Variants in CELSR1 observed in about 807,000 individuals in gnomAD.
The protein encoded by CELSR1 is adhesion G protein-coupled receptor C1.
Under a neutral mutation model 249.1 loss-of-function variants are expected in CELSR1, and 110 were observed. That is an observed-to-expected ratio of 0.44 (90% CI 0.38 to 0.52). CELSR1 has a LOEUF of 0.52. Ranked by LOEUF, CELSR1 falls within the 20% of genes least tolerant of loss-of-function variation. The pLI is 0.00. For missense variants in CELSR1, 4,109 were observed against 4,296.4 expected (o/e 0.96, Z 1.22); for synonymous variants, 2,113 against 1,900.0 (o/e 1.11, Z -2.92).
chr22:46,522,200 A>G (rs1363921239), intron 1 of CELSR1, among the ~76,000 whole-genome samples: 1 of 152,144 alleles, frequency 6.6e-6, no homozygotes, highest in South Asian at 2.1e-4. Context: ...ATCTCAGCTC[A>G]CTGCAACCTC....
rs552381149 is a variant in CELSR1 at position 46,408,852 on chromosome 22, C to G, written c.5226+144G>C. On this transcript the variant is annotated intron_variant, in intron 9 of 34. Coordinates refer to ENST00000674500, the MANE Select transcript of CELSR1 (RefSeq NM_001378328.1). The surrounding 1 kb of genome is among the most constrained non-coding windows in gnomAD (Gnocchi z 4.6). ...AAAGAAAGGGCTGATATTCCCCTTCCCCCTCTTCGGAGAACCCCAGGGGCG... is the reference window on the plus strand; with the variant it reads ...AAAGAAAGGGCTGATATTCCCCTTCGCCCTCTTCGGAGAACCCCAGGGGCG... The G allele has an allele frequency of 1.5e-6, 1 of 647,794 alleles. No individual in the cohort carries two copies. Among genetic ancestry groups the G allele is most frequent in the South Asian group, 2.3e-5 (1 of 43,852 alleles). The allele number at this position is 647,794 out of a possible 1,614,324, so 40.1% of individuals were successfully genotyped here. A position where few individuals can be genotyped will look rare whatever the true frequency, so the allele number is the denominator to read the frequency against.
intron 1 of CELSR1, among the ~76,000 whole-genome samples, chr22:46,483,197 C>T (rs895432228): frequency 5.3e-5 from 8 of 151,910 alleles, no homozygotes; most frequent in Non-Finnish European, 1.0e-4. Flanking sequence ...AACACACTAT[C>T]GTAAAGGGGA....
rs1252052153 is a variant in CELSR1 at position 46,410,650 on chromosome 22, C to T, written c.4770-89G>A. On this transcript the variant is annotated intron_variant, in intron 6 of 34. Coordinates refer to ENST00000674500, the MANE Select transcript of CELSR1 (RefSeq NM_001378328.1). The surrounding 1 kb of genome is among the most constrained non-coding windows in gnomAD (Gnocchi z 6.8). ...CTCCGCAGTTGCCTCTGTGTAGCCT[C>T]TACCACCATAACTACTTCAGAAACC... is the stretch of plus-strand genomic sequence containing the variant. 7.3e-7 allele frequency: 1 copy of T among 1,361,618 alleles called. No homozygotes were observed. The highest frequency in any genetic ancestry group is 1.4e-5 in the African/African-American group (1 of 69,466). The allele number at this position is 1,361,618 out of a possible 1,614,324, so 84.3% of individuals were successfully genotyped here.
intron 1 of CELSR1, among the ~76,000 whole-genome samples, chr22:46,494,345 T>C (rs1259302893): frequency 6.6e-6 from 1 of 152,146 alleles, no homozygotes; most frequent in East Asian, 1.9e-4. Flanking sequence ...TAGAATCAGA[T>C]TGTCAATTTT....
chr22:46,471,548 C>T lies in CELSR1; in HGVS notation c.3545-7203G>A, dbSNP rs1302311566. Among the ~76,000 whole-genome samples the T allele has an allele frequency of 6.6e-6, 1 of 152,092 alleles. No individual in the cohort carries two copies. Among genetic ancestry groups the T allele is most frequent in the Non-Finnish European group, 1.5e-5 (1 of 68,018 alleles). ...AGGACTACAGGAGCATGCCACCATG[C>T]CTGGCTGGGTTTTCTGTTCTTGTTT... On this transcript the variant is annotated intron_variant, in intron 1 of 34. Transcript: ENST00000674500. The surrounding 1 kb of genome is among the most constrained non-coding windows in gnomAD (Gnocchi z 4.9).
At chr22:46,455,740 T>G (rs1332101830) in intron 2 of CELSR1, among the ~76,000 whole-genome samples, 1 of 152,192 alleles carries the variant, frequency 6.6e-6, no homozygotes, top group Admixed American at 6.5e-5. Context: ...GGGCTGTGCC[T>G]GCACACGCCG....
chr22:46,421,878 C>T (rs936665731), intron 5 of CELSR1, among the ~76,000 whole-genome samples: 1 of 152,226 alleles, frequency 6.6e-6, no homozygotes, highest in South Asian at 2.1e-4. Context: ...TGACCTTTCA[C>T]GCAGCCACGG....
Position 46,369,700 on chromosome 22 carries a change from C to G in CELSR1, c.7864G>C (p.Val2622Leu). ...IWSFAGPIGA[V>L]IIINTVTSVL... ...GAAGGCCCCACACTCACGATTATAA[C>G]AGCTCCGATGGGCCCCGCAAAGCTC... The change falls in exon 26 of 35, where the codon GTT becomes CTT. Residue 2622 changes from valine (V) to leucine (L), a missense_variant. This residue lies in a region of CELSR1 where 1,805 missense variants were observed against 1,831.6 expected (regional missense o/e 0.99). Coordinates refer to ENST00000674500, the MANE Select transcript of CELSR1 (RefSeq NM_001378328.1). 2 of 1,613,448 alleles carry G rather than the reference C, an allele frequency of 1.2e-6. No individual in the cohort carries two copies. The highest frequency in any genetic ancestry group is 1.7e-6 in the Non-Finnish European group (2 of 1,179,912).
chr22:46,391,482 CAGAACCAGGTTTCTAGAAGGTCAAG>C lies in CELSR1; in HGVS notation c.6148+126_6148+150del. ...AGGCTCTGACCCACACCCCCTCACG[CAGAACCAGGTTTCTAGAAGGTCAAG>C]AGAACTCAGAACACGAGGGAGCCCA... On this transcript the variant is annotated intron_variant, in intron 15 of 34. Coordinates refer to ENST00000674500, the MANE Select transcript of CELSR1 (RefSeq NM_001378328.1). This position sits in a 1 kb window ranked among gnomAD's most constrained non-coding sequence, Gnocchi z 4.3. The C allele has an allele frequency of 9.8e-7, 1 of 1,023,602 alleles. No individual in the cohort carries two copies. Among genetic ancestry groups the C allele is most frequent in the South Asian group, 1.7e-5 (1 of 58,960 alleles). The allele number at this position is 1,023,602 out of a possible 1,614,324, so 63.4% of individuals were successfully genotyped here.
In CELSR1 at chr22:46,393,802, C is replaced by T. The variant is rs551210107; in HGVS notation, c.5964+340G>A. On this transcript the variant is annotated intron_variant, in intron 14 of 34. Coordinates refer to ENST00000674500, the MANE Select transcript of CELSR1 (RefSeq NM_001378328.1). The surrounding 1 kb of genome is among the most constrained non-coding windows in gnomAD (Gnocchi z 4.1). ...GAGGCCAGGAGGGCCGGGGTGGTGC[C>T]ATAGATGAGCCAGCCCTCAGAAACG... Among the ~76,000 whole-genome samples the T allele has an allele frequency of 4.0e-5, 6 of 151,612 alleles. No individual in the cohort carries two copies. The South Asian group carries it at 1.3e-3, about 32-fold the overall frequency.
Position 46,381,868 on chromosome 22 carries a change from C to G in CELSR1, c.7066G>C (p.Asp2356His). The G allele has an allele frequency of 6.4e-7, 1 of 1,565,682 alleles. No homozygotes were observed. Among genetic ancestry groups the G allele is most frequent in the Non-Finnish European group, 8.6e-7 (1 of 1,158,646 alleles). Residue 2356 changes from aspartate to histidine, a missense_variant, in exon 21 of 35, where the codon GAC becomes CAC. Around this residue, in one of 7 missense-constraint regions of CELSR1, gnomAD observed 1,805 missense variants for 1,831.6 expected, o/e 0.99. Transcript: ENST00000674500. The surrounding 1 kb of genome is among the most constrained non-coding windows in gnomAD (Gnocchi z 6.0). ...TACCGGAGGCTGCGACGGTCGGGGTCGTAGCGCTCGGGCAGGAGCTGCCCC... is the reference window on the plus strand; with the variant it reads ...TACCGGAGGCTGCGACGGTCGGGGTGGTAGCGCTCGGGCAGGAGCTGCCCC... The part of the protein sequence containing the change: ...TLGQLLPERY[D>H]PDRRSLRLPH...
At chr22:46,415,251 G>A (rs559441371) in intron 5 of CELSR1, among the ~76,000 whole-genome samples, 4 of 152,196 alleles carry the variant, frequency 2.6e-5, no homozygotes, top group Non-Finnish European at 5.9e-5. Context: ...CCAGGTTCAA[G>A]CGATTCTCCT....
intron 1 of CELSR1, among the ~76,000 whole-genome samples, chr22:46,489,008 G>A (rs2080342858): frequency 6.6e-6 from 1 of 152,048 alleles, no homozygotes; most frequent in Admixed American, 6.6e-5. Flanking sequence ...GTGGCAGTAA[G>A]GGACATGTCA....
At chr22:46,516,453 G>A (rs977961608) in intron 1 of CELSR1, among the ~76,000 whole-genome samples, 27 of 151,936 alleles carry the variant, frequency 1.8e-4, no homozygotes, top group Non-Finnish European at 2.6e-4. Context: ...ACCGGGGCCT[G>A]TTGTGGGGTT....
intron 1 of CELSR1, among the ~76,000 whole-genome samples, chr22:46,532,715 C>T (rs1470988756): frequency 6.6e-6 from 1 of 152,188 alleles, no homozygotes; most frequent in Non-Finnish European, 1.5e-5. Context: ...GATGCACGGT[C>T]AGGCAAACCT....
intron 1 of CELSR1, among the ~76,000 whole-genome samples, chr22:46,487,857 T>C (rs185203740): frequency 1.7e-5 from 2 of 116,150 alleles, no homozygotes; most frequent in Admixed American, 9.7e-5. Context: ...TCCAGGGTGC[T>C]ACTGGGGGTT....
intron 2 of CELSR1, among the ~76,000 whole-genome samples, chr22:46,463,081 T>A (rs2080050812): frequency 6.6e-6 from 1 of 152,232 alleles, no homozygotes; most frequent in Non-Finnish European, 1.5e-5. Context: ...CTCATGTCAT[T>A]TCATGCGTTT....
chr22:46,515,562 G>A (rs2080618049), intron 1 of CELSR1, among the ~76,000 whole-genome samples: 1 of 152,180 alleles, frequency 6.6e-6, no homozygotes, highest in Non-Finnish European at 1.5e-5. Context: ...ACAAGCTGCA[G>A]GGCACCCCGG....
At position 46,526,883 on chromosome 22, in the gene CELSR1, C is replaced by A. The variant is rs988951127; in HGVS notation, c.3544+6744G>T. Among the ~76,000 whole-genome samples, 8 of 152,238 alleles carry A rather than the reference C, an allele frequency of 5.3e-5. No homozygotes were observed. The highest frequency in any genetic ancestry group is 1.9e-4 in the African/African-American group (8 of 41,454). The stretch of plus-strand genomic sequence containing the variant: ...ACACTCTCAAAGACGCCCAGCCACA[C>A]GGGGCCAAAAATGGCCTCACGTCTT... On this transcript the variant is annotated intron_variant, in intron 1 of 34. Transcript: ENST00000674500. This position sits in a 1 kb window ranked among gnomAD's most constrained non-coding sequence, Gnocchi z 4.7.
Sources: allele counts gnomAD v4.1 joint callset (sites outside exome capture counted in the v4.1 genomes callset), GRCh38; gene constraint gnomAD v4.1.1; regional missense constraint gnomAD v4.1.1; non-coding constraint Gnocchi (gnomAD v3.1); transcripts MANE v1.5; gene names NCBI Gene and HGNC (gene_info 2026-07-23, HGNC 2026-07-21).